The following AP1M2 variants were observed in gnomAD, a reference collection of about 807,000 sequenced individuals.
AP1M2 encodes adaptor related protein complex 1 subunit mu 2.
A neutral mutation model predicts 54.6 loss-of-function variants in AP1M2; 41 were observed. The observed-to-expected ratio is 0.75, with a 90% CI of 0.59 to 0.97. AP1M2 has a LOEUF of 0.97. Among genes scored for constraint, AP1M2 ranks in the 50% least tolerant of loss-of-function variants. The pLI is 0.00. For missense variants in AP1M2, 507 were observed against 561.2 expected, an observed-to-expected ratio of 0.90 and a Z score of 0.98; for synonymous variants, 219 against 215.9, an observed-to-expected ratio of 1.01 and a Z score of -0.13.
chr19:10,585,260 GAAGGAAAGAAAGAAAGAAGAAAA>G (rs1917594813), intron 1 of AP1M2, among the ~76,000 whole-genome samples: 1 of 115,558 alleles, frequency 8.7e-6, no homozygotes, highest in African/African-American at 3.2e-5. Flanking sequence ...AAGAAGGAAA[GAAGGAAAGAAAGAAAGAAGAAAA>G]AAAGAAAGAA....
In AP1M2 at chr19:10,578,890, A is replaced by C. The variant is rs757296302; in HGVS notation, c.888+2T>G. 21 of 1,605,762 alleles carry C rather than the reference A, an allele frequency of 1.3e-5. No homozygotes were observed. The highest frequency in any genetic ancestry group is 1.8e-5 in the Non-Finnish European group (21 of 1,176,228). On this transcript the variant is annotated splice_donor_variant, in intron 8 of 11. Coordinates refer to ENST00000250244, the MANE Select transcript of AP1M2 (RefSeq NM_005498.5). LOFTEE classifies it high-confidence loss of function. Reference sequence around the variant, plus strand: ...GTTAATAAGCATTCCCCCAAGGCCCACCTTGACCATGATCTCCACGCGGCT... The same window carrying C: ...GTTAATAAGCATTCCCCCAAGGCCCCCCTTGACCATGATCTCCACGCGGCT...
intron 10 of AP1M2, 27 bp from the exon 11 acceptor site, chr19:10,574,519 C>T: frequency 6.5e-7 from 1 of 1,539,658 alleles, no homozygotes; most frequent in African/African-American, 1.4e-5. Context: ...AGAGGTGGTC[C>T]AGGATTGCAG....
At chr19:10,581,444 AGCCAG>A (rs558616506) in intron 5 of AP1M2, 38 bp downstream of exon 5, 21 of 1,610,918 alleles carry the variant, frequency 1.3e-5, no homozygotes, top group Non-Finnish European at 8.5e-7. Context: ...CGTCTCCTGC[AGCCAG>A]GCCGTGGAAG....
intron 1 of AP1M2, among the ~76,000 whole-genome samples, chr19:10,585,333 A>AAG (rs1320299167): frequency 2.6e-5 from 4 of 151,022 alleles, no homozygotes; most frequent in African/African-American, 9.8e-5. Flanking sequence ...GAAAGAAAGA[A>AAG]AGAAAGAAAG....
Position 10,579,745 on chromosome 19 carries a change from C to G in AP1M2, c.787G>C (p.Glu263Gln). The G allele has an allele frequency of 6.2e-7, 1 of 1,613,854 alleles. No homozygotes were observed. The highest frequency in any genetic ancestry group is 8.5e-7 in the Non-Finnish European group (1 of 1,179,880). The stretch of plus-strand genomic sequence containing the variant: ...GTGCTGAGGCGGTATGACATGAGCT[C>G]AAAGTCACCATCAGGCGGGATGAAG... ...ISFIPPDGDF[E>Q]LMSYRLSTQV... The change falls in exon 7 of 12, where the codon GAG becomes CAG. Residue 263 changes from glutamate to glutamine, a missense_variant. Transcript: ENST00000250244.
At chr19:10,584,519 G>A (rs1917567786) in intron 1 of AP1M2, among the ~76,000 whole-genome samples, 1 of 152,042 alleles carries the variant, frequency 6.6e-6, no homozygotes, top group African/African-American at 2.4e-5. Flanking sequence ...GGCGGAGATT[G>A]CAGTGAGCCG....
At chr19:10,577,816 A>G (rs1917298223) in intron 8 of AP1M2, among the ~76,000 whole-genome samples, 1 of 149,100 alleles carries the variant, frequency 6.7e-6, no homozygotes, top group Admixed American at 6.8e-5. Context: ...CGCTCACGGC[A>G]ACCTCCGCCT....
intron 9 of AP1M2, among the ~76,000 whole-genome samples, chr19:10,576,630 C>T (rs1328458760): frequency 6.6e-6 from 1 of 151,548 alleles, no homozygotes; most frequent in Admixed American, 6.6e-5. Context: ...AACTTCTGAC[C>T]TCAGGTGATC....
chr19:10,583,852 A>AGCT, intron 2 of AP1M2, 62 bp downstream of exon 2: 1 of 1,541,880 alleles, frequency 6.5e-7, no homozygotes, highest in Non-Finnish European at 8.8e-7. Context: ...TCTTGGCCTG[A>AGCT]GCTGCCACCA....
At chr19:10,576,766 G>A (rs1917248991) in intron 9 of AP1M2, among the ~76,000 whole-genome samples, 1 of 151,584 alleles carries the variant, frequency 6.6e-6, no homozygotes, top group African/African-American at 2.4e-5. Flanking sequence ...GTGTGCAGTG[G>A]CACAATCTCA....
chr19:10,575,966 G>A (rs1917217937), intron 9 of AP1M2, among the ~76,000 whole-genome samples: 1 of 149,798 alleles, frequency 6.7e-6, no homozygotes, highest in Non-Finnish European at 1.5e-5. Flanking sequence ...GTAGAGACGG[G>A]GTTTCACAGT....
In AP1M2 at chr19:10,577,370, G is replaced by C. The variant is rs1219860057; in HGVS notation, c.889-14C>G. 1.3e-6 allele frequency: 2 copies of C among 1,590,482 alleles called. No homozygotes were observed. The highest frequency in any genetic ancestry group is 1.7e-6 in the Non-Finnish European group (2 of 1,166,414). On this transcript the variant is annotated splice_polypyrimidine_tract_variant and intron_variant, in intron 8 of 11. Transcript: ENST00000250244. ...CTGCCCCTTGGCCTGTCAGGGGAGC[G>C]AGCATGGGGCACGAAGAATTCGCTT...
chr19:10,573,978 A>T (rs948510277), intron 11 of AP1M2, among the ~76,000 whole-genome samples: 1 of 151,750 alleles, frequency 6.6e-6, no homozygotes, highest in African/African-American at 2.4e-5. Context: ...CCCATTTTAA[A>T]GACGTGCAAA....
chr19:10,573,211 G>A, intron 11 of AP1M2, 123 bp from the exon 12 acceptor site: 2 of 876,150 alleles, frequency 2.3e-6, no homozygotes, highest in Non-Finnish European at 3.7e-6. Context: ...TTGAGGTCAG[G>A]GGTTCGAGAC....
chr19:10,583,194 G>T (rs887654243), intron 3 of AP1M2, among the ~76,000 whole-genome samples: 10 of 151,944 alleles, frequency 6.6e-5, no homozygotes, highest in Non-Finnish European at 5.9e-5. Flanking sequence ...GAGGAAGCAG[G>T]GAAGCTGGGA....
chr19:10,579,669 G>T, intron 7 of AP1M2, 47 bp downstream of exon 7: 1 of 1,573,190 alleles, frequency 6.4e-7, no homozygotes, highest in Non-Finnish European at 8.6e-7. Context: ...TCGCTCTTCA[G>T]CCTACCCCAA....
chr19:10,574,415 A>G lies in AP1M2; in HGVS notation c.1249+2T>C, dbSNP rs78922716. On this transcript the variant is annotated splice_donor_variant, in intron 11 of 11. Transcript: ENST00000250244. LOFTEE classifies it high-confidence loss of function. ...TTGTCCCCAGGAGCTGGGCTGCCTT[A>G]CCGCCACTCTGGGTGATGTAGCGAA... is the stretch of plus-strand genomic sequence containing the variant. The G allele has an allele frequency of 6.4e-7, 1 of 1,551,234 alleles. No homozygotes were observed. Among genetic ancestry groups the G allele is most frequent in the Non-Finnish European group, 8.7e-7 (1 of 1,147,516 alleles).
At chr19:10,577,494 C>A in intron 8 of AP1M2, 138 bp from the exon 9 acceptor site, 2 of 915,576 alleles carry the variant, frequency 2.2e-6, no homozygotes, top group South Asian at 1.8e-5. Flanking sequence ...AGTGCAGTGG[C>A]GCGATCTCGG....
At chr19:10,579,658 G>A in intron 7 of AP1M2, 58 bp downstream of exon 7, 3 of 1,552,470 alleles carry the variant, frequency 1.9e-6, no homozygotes, top group Non-Finnish European at 2.6e-6. Context: ...TGGGCCCAGG[G>A]TCGCTCTTCA....
Sources: gnomAD v4.1 joint callset for allele counts (sites outside exome capture counted in the v4.1 genomes callset) on GRCh38, gnomAD v4.1.1 for gene constraint, MANE v1.5 for transcripts, NCBI Gene and HGNC (gene_info 2026-07-23, HGNC 2026-07-21) for gene names.